Variants in LRP1B observed in about 807,000 individuals in gnomAD.
LRP1B encodes the protein low-density lipoprotein receptor-related protein 1B.
A neutral mutation model predicts 556.6 loss-of-function variants in LRP1B; 217 were observed. The observed-to-expected ratio is 0.39, with a 90% CI of 0.35 to 0.44. LRP1B has a LOEUF of 0.44. LRP1B is among the 20% of genes least tolerant of loss of function. LRP1B has a pLI of 1.00. For synonymous variants in LRP1B, 2,047 were observed against 1,865.8 expected, an observed-to-expected ratio of 1.10 and a Z score of -2.50; for missense variants, 5,053 against 5,620.8, an observed-to-expected ratio of 0.90 and a Z score of 3.23.
chr2:141,210,229 T>C (rs1321310308), intron 6 of LRP1B, among the ~76,000 whole-genome samples: 5 of 146,414 alleles, frequency 3.4e-5, no homozygotes, highest in South Asian at 2.2e-4. Context: ...ATTAAAAACT[T>C]ACGGAGGTCA....
intron 1 of LRP1B, among the ~76,000 whole-genome samples, chr2:141,952,074 C>T (rs1701122427): frequency 7.0e-6 from 1 of 142,496 alleles, no homozygotes; most frequent in South Asian, 2.2e-4. Flanking sequence ...TTGTTCAGTT[C>T]CCACCTATGA....
At chr2:141,088,104 T>C (rs1700090799) in intron 7 of LRP1B, among the ~76,000 whole-genome samples, 1 of 152,118 alleles carries the variant, frequency 6.6e-6, no homozygotes, top group Non-Finnish European at 1.5e-5. Context: ...TTTGAACATG[T>C]TTACATAGAT....
chr2:141,379,096 A>T (rs1466347260), intron 3 of LRP1B, among the ~76,000 whole-genome samples: 1 of 152,180 alleles, frequency 6.6e-6, no homozygotes, highest in Non-Finnish European at 1.5e-5. Context: ...AGAAAGAAAG[A>T]GGAGATCCTA....
At chr2:140,527,187 G>T (rs536025640) in intron 47 of LRP1B, among the ~76,000 whole-genome samples, 1 of 151,852 alleles carries the variant, frequency 6.6e-6, no homozygotes, top group South Asian at 2.1e-4. Context: ...TTTCTAAGTT[G>T]CTTACCCATT....
intron 1 of LRP1B, among the ~76,000 whole-genome samples, chr2:141,998,719 T>C (rs1702567693): frequency 6.6e-6 from 1 of 152,168 alleles, no homozygotes; most frequent in Non-Finnish European, 1.5e-5. Flanking sequence ...AGATTCGGTC[T>C]GAAAGGTGGG....
At chr2:141,568,721 T>C (rs1340779562) in intron 2 of LRP1B, among the ~76,000 whole-genome samples, 1 of 151,240 alleles carries the variant, frequency 6.6e-6, no homozygotes, top group East Asian at 1.9e-4. Flanking sequence ...ATTTGTTCAT[T>C]TAGTCAGTCA....
At chr2:140,920,815 TG>T (rs1694716489) in intron 21 of LRP1B, among the ~76,000 whole-genome samples, 3 of 152,024 alleles carry the variant, frequency 2.0e-5, no homozygotes, top group Non-Finnish European at 4.4e-5. Flanking sequence ...ATTAATCTTT[TG>T]CTTACCTAAA....
At chr2:140,285,276 G>C (rs926562169) in intron 84 of LRP1B, among the ~76,000 whole-genome samples, 1 of 132,626 alleles carries the variant, frequency 7.5e-6, no homozygotes, top group Non-Finnish European at 1.7e-5. Flanking sequence ...TCTATATTGT[G>C]TGATAGCAAG....
At chr2:141,850,828 T>A (rs55898425) in intron 1 of LRP1B, among the ~76,000 whole-genome samples, 40,208 of 151,504 alleles carry the variant, frequency 0.27, 5,607 homozygotes, top group Admixed American at 0.33. Context: ...GTACAGTTAT[T>A]CTTATTTGAT....
At chr2:140,256,424 G>A (rs1249567651) in intron 86 of LRP1B, among the ~76,000 whole-genome samples, 1 of 81,532 alleles carries the variant, frequency 1.2e-5, no homozygotes, top group South Asian at 4.1e-4. Context: ...ATGGTTTTAT[G>A]GTTTTCTTTT....
intron 2 of LRP1B, among the ~76,000 whole-genome samples, chr2:141,641,726 G>T (rs977726924): frequency 6.6e-6 from 1 of 152,020 alleles, no homozygotes; most frequent in African/African-American, 2.4e-5. Flanking sequence ...TCCTATACCT[G>T]GGTAAAAAAT....
chr2:141,000,079 T>C (rs557510093), intron 15 of LRP1B, among the ~76,000 whole-genome samples: 269 of 149,148 alleles, frequency 1.8e-3, no homozygotes, highest in Non-Finnish European at 2.9e-3. Context: ...CATGCCTGGC[T>C]CATTTTTTAT....
intron 3 of LRP1B, among the ~76,000 whole-genome samples, chr2:141,364,425 CACATAT>C (rs1559031048): frequency 6.6e-6 from 1 of 151,818 alleles, no homozygotes. Context: ...CACACACACA[CACATAT>C]ATATATTTGT....
chr2:140,934,149 T>C (rs922632783), intron 20 of LRP1B, among the ~76,000 whole-genome samples: 1 of 152,064 alleles, frequency 6.6e-6, no homozygotes, highest in Non-Finnish European at 1.5e-5. Flanking sequence ...TTACTTTAAT[T>C]GTATTTTATG....
chr2:140,961,985 C>T (rs1456499961), intron 18 of LRP1B, among the ~76,000 whole-genome samples: 1 of 152,100 alleles, frequency 6.6e-6, no homozygotes, highest in African/African-American at 2.4e-5. Flanking sequence ...TACTATTGTA[C>T]TATTATACTA....
At chr2:141,047,101 G>C (rs1415316024) in intron 11 of LRP1B, among the ~76,000 whole-genome samples, 2 of 100,234 alleles carry the variant, frequency 2.0e-5, no homozygotes, top group Non-Finnish European at 4.6e-5. Context: ...CAAGTGTCTG[G>C]GTCAAAAACA....
At chr2:140,699,902 A>G (rs1686569001) in intron 41 of LRP1B, among the ~76,000 whole-genome samples, 1 of 140,284 alleles carries the variant, frequency 7.1e-6, no homozygotes, top group Non-Finnish European at 1.5e-5. Context: ...TCTTAAATAT[A>G]CAATTTGCCC....
intron 3 of LRP1B, among the ~76,000 whole-genome samples, chr2:141,464,451 AC>A (rs1682082166): frequency 6.7e-6 from 1 of 149,596 alleles, no homozygotes; most frequent in East Asian, 2.0e-4. Flanking sequence ...CTCGCTCTGT[AC>A]CCCAGGCTGG....
intron 35 of LRP1B, among the ~76,000 whole-genome samples, chr2:140,717,121 A>G (rs1687240811): frequency 6.6e-6 from 1 of 152,050 alleles, no homozygotes; most frequent in African/African-American, 2.4e-5. Context: ...ATAAATCCTT[A>G]TCCTGCATGA....
Sources: gnomAD v4.1 joint callset for allele counts (sites outside exome capture counted in the v4.1 genomes callset) on GRCh38, gnomAD v4.1.1 for gene constraint, MANE v1.5 for transcripts, NCBI Gene and HGNC (gene_info 2026-07-23, HGNC 2026-07-21) for gene names.